Variants in SNX6 observed in about 807,000 individuals in gnomAD.
SNX6 encodes the protein sorting nexin-6.
In SNX6, 34 loss-of-function variants were observed where a neutral mutation model predicts 63.0. The observed-to-expected ratio is 0.54, with a 90% confidence interval of 0.41 to 0.72. The LOEUF is 0.72. SNX6 is among the 30% of genes least tolerant of loss of function. SNX6 has a pLI of 0.00. For synonymous variants in SNX6, 170 were observed against 164.2 expected (o/e 1.04, Z -0.27); for missense variants, 398 against 471.4 (o/e 0.84, Z 1.44).
At chr14:34,623,282 A>T (rs1052024396) in intron 2 of SNX6, among the ~76,000 whole-genome samples, 1 of 152,138 alleles carries the variant, frequency 6.6e-6, no homozygotes, top group East Asian at 1.9e-4. Flanking sequence ...GGGAAAAAAA[A>T]CACTGAAATG....
intron 4 of SNX6, among the ~76,000 whole-genome samples, chr14:34,607,803 G>A (rs995263227): frequency 6.6e-6 from 1 of 152,112 alleles, no homozygotes; most frequent in African/African-American, 2.4e-5. Flanking sequence ...AGCTACTTGG[G>A]AGGCTGAGGC....
At chr14:34,581,152 T>C (rs897569274) in intron 10 of SNX6, among the ~76,000 whole-genome samples, 59 of 152,162 alleles carry the variant, frequency 3.9e-4, no homozygotes, top group African/African-American at 1.4e-3. Context: ...TTAACAGTGA[T>C]TACTCTTTTT....
At chr14:34,609,188 A>T (rs1883128215) in intron 3 of SNX6, among the ~76,000 whole-genome samples, 2 of 151,950 alleles carry the variant, frequency 1.3e-5, no homozygotes, top group East Asian at 3.9e-4. Flanking sequence ...ATATTAATCT[A>T]AAAAAAGTAC....
Position 34,585,812 on chromosome 14 carries a change from G to T in SNX6, c.794+418C>A, listed in dbSNP as rs559101486. On this transcript the variant is annotated intron_variant, in intron 9 of 13. Coordinates refer to ENST00000362031, the MANE Select transcript of SNX6 (RefSeq NM_152233.4). ...AGATAGGGTTTAGCAATGTTGGCCA[G>T]GTTGGTCTTGAACTCCGGACCTCAG... Among the ~76,000 whole-genome samples the T allele has an allele frequency of 4.6e-5, 7 of 152,182 alleles. No homozygotes were observed. The East Asian group carries it at 1.4e-3, about 29-fold the overall frequency.
chr14:34,594,559 G>T (rs1489876120), intron 7 of SNX6, among the ~76,000 whole-genome samples: 6 of 151,868 alleles, frequency 4.0e-5, no homozygotes, highest in Admixed American at 3.9e-4. Context: ...TTGTCATGTT[G>T]TCATGTTGCC....
intron 3 of SNX6, 86 bp from the exon 4 acceptor site, chr14:34,608,226 G>A (rs1442300348): frequency 9.1e-6 from 6 of 662,734 alleles, no homozygotes; most frequent in Admixed American, 2.6e-5. Flanking sequence ...CCACCAGGCT[G>A]GAGTGCAGTC....
At chr14:34,622,376 C>G (rs894984328) in intron 2 of SNX6, among the ~76,000 whole-genome samples, 1 of 151,228 alleles carries the variant, frequency 6.6e-6, no homozygotes, top group East Asian at 2.0e-4. Flanking sequence ...GTCAGGAGAT[C>G]GAGACCTTCC....
rs556959998 is a variant in SNX6, at chr14:34,563,553, C to T, written c.1168-378G>A. ...CACCCTGGGCGAAAGAGTGAGACTG[C>T]GTCTCAAAAAAAAAAAAATAAGAAA... On this transcript the variant is annotated intron_variant, in intron 13 of 13. Transcript: ENST00000362031. Among the ~76,000 whole-genome samples, 16 of 139,232 alleles carry T rather than the reference C, an allele frequency of 1.1e-4. No individual in the cohort carries two copies. The East Asian group carries it at 2.4e-3, about 21-fold the overall frequency. The allele number at this position is 139,232 out of a possible 152,430, so 91.3% of individuals were successfully genotyped here. A position where few individuals can be genotyped will look rare whatever the true frequency, so the allele number is the denominator to read the frequency against.
intron 2 of SNX6, among the ~76,000 whole-genome samples, chr14:34,622,588 AAG>A (rs1883668445): frequency 1.3e-5 from 2 of 151,054 alleles, no homozygotes; most frequent in Admixed American, 1.3e-4. Flanking sequence ...AAAAAAAAAA[AAG>A]ATTCCTCAGT....
chr14:34,600,895 G>A (rs1001676749), intron 6 of SNX6, among the ~76,000 whole-genome samples: 2 of 152,022 alleles, frequency 1.3e-5, no homozygotes, highest in Non-Finnish European at 2.9e-5. Flanking sequence ...GAATTAGCCA[G>A]GTATGGTGGC....
chr14:34,604,616 A>G (rs1311039151), intron 5 of SNX6, among the ~76,000 whole-genome samples: 2 of 152,168 alleles, frequency 1.3e-5, no homozygotes, highest in Non-Finnish European at 2.9e-5. Context: ...ATAGAGAAAC[A>G]TATCCAGCAA....
intron 13 of SNX6, among the ~76,000 whole-genome samples, chr14:34,566,043 G>C (rs376386889): frequency 6.6e-5 from 10 of 151,236 alleles, no homozygotes; most frequent in Admixed American, 1.3e-4. Context: ...TTGCGGTCTC[G>C]AACTCCTGAC....
chr14:34,625,042 A>G (rs1369361262), intron 2 of SNX6, among the ~76,000 whole-genome samples: 1 of 151,834 alleles, frequency 6.6e-6, no homozygotes, highest in Non-Finnish European at 1.5e-5. Flanking sequence ...CAGCCTCCCG[A>G]GTAGGTGGGA....
chr14:34,577,186 G>A (rs142969509), intron 10 of SNX6, among the ~76,000 whole-genome samples: 76 of 152,160 alleles, frequency 5.0e-4, no homozygotes, highest in African/African-American at 1.8e-3. Context: ...GGGTTCAAGC[G>A]ATTCTCCTGC....
At chr14:34,572,946 T>A (rs1399306800) in intron 11 of SNX6, among the ~76,000 whole-genome samples, 1 of 152,068 alleles carries the variant, frequency 6.6e-6, no homozygotes, top group African/African-American at 2.4e-5. Context: ...CCTCCCAAAG[T>A]GCTGGGATTA....
At chr14:34,627,693 T>C (rs917277679) in intron 2 of SNX6, among the ~76,000 whole-genome samples, 30 of 152,136 alleles carry the variant, frequency 2.0e-4, no homozygotes, top group African/African-American at 7.2e-4. Context: ...TTTCACCATG[T>C]TGGTCAGGCT....
intron 11 of SNX6, chr14:34,568,940 G>A: frequency 7.5e-7 from 1 of 1,336,504 alleles, no homozygotes; most frequent in Non-Finnish European, 1.1e-6. Flanking sequence ...AGGTACAGGT[G>A]CCACGCTGTG....
chr14:34,605,384 A>G (rs1882976232), intron 5 of SNX6: 2 of 330,146 alleles, frequency 6.1e-6, no homozygotes, highest in Non-Finnish European at 5.4e-6. Context: ...ATGAATTTAA[A>G]TAACTTTACA....
At chr14:34,596,879 A>C (rs891625470) in intron 7 of SNX6, among the ~76,000 whole-genome samples, 4 of 151,958 alleles carry the variant, frequency 2.6e-5, no homozygotes, top group African/African-American at 7.2e-5. Context: ...CATGTTGACC[A>C]GGTTGGTCTC....
Sources: allele counts gnomAD v4.1 joint callset (sites outside exome capture counted in the v4.1 genomes callset), GRCh38; gene constraint gnomAD v4.1.1; transcripts MANE v1.5; gene names NCBI Gene and HGNC (gene_info 2026-07-23, HGNC 2026-07-21).